The following SEPTIN10 variants were observed in gnomAD, a reference collection of about 807,000 sequenced individuals.
The protein encoded by SEPTIN10 is septin 10.
SEPTIN10 carries 66 observed loss-of-function variants against 54.8 expected under a neutral mutation model. The ratio of observed to expected loss-of-function variants is 1.21; its 90% CI spans 0.99 to 1.48. The LOEUF (loss-of-function observed/expected upper bound fraction) is 1.48, where lower values mean the gene tolerates loss of function less well. Ranked by LOEUF, SEPTIN10 falls within the 40% of genes most tolerant of loss-of-function variation. The pLI, the probability that SEPTIN10 is intolerant of heterozygous loss-of-function variation, is 0.00. For synonymous variants in SEPTIN10, 161 were observed against 181.0 expected (o/e 0.89, Z 0.89); for missense variants, 620 against 545.6 (o/e 1.14, Z -1.36).
At chr2:109,583,917 A>G (rs1558822288) in intron 4 of SEPTIN10, among the ~76,000 whole-genome samples, 1 of 152,208 alleles carries the variant, frequency 6.6e-6, no homozygotes, top group Admixed American at 6.5e-5. Context: ...GTTCTCACTT[A>G]TAAGTAAGTG....
At position 109,574,661 on chromosome 2, in the gene SEPTIN10, C is replaced by A. The variant is rs757616182; in HGVS notation, c.520G>T (p.Val174Leu). Reference sequence around the variant, plus strand: ...GTCGGTGAAATGAAGTAGAGACACACATGGATGCGAGAATCATGGTAGGTA... The same window carrying A: ...GTCGGTGAAATGAAGTAGAGACACAAATGGATGCGAGAATCATGGTAGGTA... ...LFTYHDSRIH[V>L]CLYFISPTGH... The change falls in exon 5 of 11, where the codon GTG (valine) becomes TTG (leucine). Residue 174 changes from valine (V) to leucine (L), a missense_variant. Transcript: ENST00000397712. The A allele has an allele frequency of 8.1e-6, 13 of 1,609,268 alleles. No homozygotes were observed. Among genetic ancestry groups the A allele is most frequent in the African/African-American group, 6.7e-5 (5 of 74,802 alleles).
At chr2:109,606,192 G>A (rs1444181014) in intron 1 of SEPTIN10, among the ~76,000 whole-genome samples, 1 of 152,148 alleles carries the variant, frequency 6.6e-6, no homozygotes, top group Non-Finnish European at 1.5e-5. Flanking sequence ...CAAGGAGGGA[G>A]GATTACAAAG....
At chr2:109,593,820 G>A (rs1694652810) in intron 1 of SEPTIN10, among the ~76,000 whole-genome samples, 1 of 152,080 alleles carries the variant, frequency 6.6e-6, no homozygotes, top group Admixed American at 6.5e-5. Context: ...GGTGTGGTGG[G>A]GAAAGCAGGG....
chr2:109,581,771 A>G (rs1411354845), intron 4 of SEPTIN10, among the ~76,000 whole-genome samples: 3 of 152,234 alleles, frequency 2.0e-5, no homozygotes, highest in Non-Finnish European at 2.9e-5. Flanking sequence ...CTGAAACAAG[A>G]TATGCCTGAG....
intron 1 of SEPTIN10, among the ~76,000 whole-genome samples, chr2:109,604,139 G>A (rs112124758): frequency 0.28 from 38,877 of 138,846 alleles, 5,734 homozygotes; most frequent in Admixed American, 0.4. Context: ...TCCAGCCTGG[G>A]CGACAGAGCG....
At chr2:109,588,849 T>TAAAAA (rs1293232530) in intron 2 of SEPTIN10, among the ~76,000 whole-genome samples, 2 of 71,292 alleles carry the variant, frequency 2.8e-5, no homozygotes, top group African/African-American at 9.8e-5. Context: ...TCAATTACTA[T>TAAAAA]TAAAAAAAAA....
chr2:109,564,110 CA>C (rs1686327087), intron 8 of SEPTIN10: 1 of 359,832 alleles, frequency 2.8e-6, no homozygotes, highest in African/African-American at 2.1e-5. Context: ...TGAACTGAAA[CA>C]GGGGGCCTCT....
At position 109,566,160 on chromosome 2, in the gene SEPTIN10, G is replaced by A. The variant is rs116512989; in HGVS notation, c.763-301C>T. Among the ~76,000 whole-genome samples, 848 of 151,746 alleles carry A rather than the reference G, an allele frequency of 5.6e-3. 14 individuals are homozygous for A. Among genetic ancestry groups the A allele is most frequent in the African/African-American group, 0.019 (804 of 41,342 alleles). On this transcript the variant is annotated intron_variant, in intron 6 of 10. Transcript: ENST00000397712. The stretch of plus-strand genomic sequence containing the variant: ...TTTTGAGACAGAGTCTTACTCTGTC[G>A]CCCAAGCTGAAGTGCAGTGACACGA...
chr2:109,605,236 T>G (rs947268210), intron 1 of SEPTIN10, among the ~76,000 whole-genome samples: 1 of 152,118 alleles, frequency 6.6e-6, no homozygotes, highest in African/African-American at 2.4e-5. Context: ...ATTACTAGTA[T>G]GATCAGGCAG....
chr2:109,568,841 A>G (rs990726900), intron 5 of SEPTIN10, among the ~76,000 whole-genome samples: 1 of 152,182 alleles, frequency 6.6e-6, no homozygotes, highest in Non-Finnish European at 1.5e-5. Flanking sequence ...TAGACAGCAG[A>G]GGAAGGAAAC....
At chr2:109,613,337 ACCAT>A (rs979865538) in intron 1 of SEPTIN10, 19 of 372,696 alleles carry the variant, frequency 5.1e-5, no homozygotes, top group Non-Finnish European at 7.4e-5. Flanking sequence ...GGACGACCAC[ACCAT>A]CGGATAAAAC....
chr2:109,603,106 TA>T (rs796618534), intron 1 of SEPTIN10, among the ~76,000 whole-genome samples: 37 of 151,720 alleles, frequency 2.4e-4, no homozygotes, highest in African/African-American at 8.0e-4. Context: ...AAAAAAGCAT[TA>T]AAAGGACCTA....
chr2:109,596,573 C>T (rs891917767), intron 1 of SEPTIN10, among the ~76,000 whole-genome samples: 10 of 151,148 alleles, frequency 6.6e-5, no homozygotes, highest in African/African-American at 9.7e-5. Context: ...GCAGAGATCG[C>T]GCCGCTGCAC....
rs1692207079 is a variant in SEPTIN10, at chr2:109,585,220, C to T, written c.319G>A (p.Ala107Thr). 6.2e-7 allele frequency: 1 copy of T among 1,612,840 alleles called. No homozygotes were observed. Among genetic ancestry groups the T allele is most frequent in the Non-Finnish European group, 8.5e-7 (1 of 1,179,312 alleles). Residue 107 changes from alanine to threonine, a missense_variant, in exon 4 of 11, where the codon GCT becomes ACT. Transcript: ENST00000397712. ...SHFCPNVKLK[A>T]QTYELQESNV... ...CTTTCCTGGAGTTCATATGTCTGAG[C>T]TTTAAGTTTAACATTTGGGCAAAAA...
chr2:109,611,661 T>C (rs1699279885), intron 1 of SEPTIN10, among the ~76,000 whole-genome samples: 1 of 152,076 alleles, frequency 6.6e-6, no homozygotes, highest in African/African-American at 2.4e-5. Context: ...TTGGGGTGGC[T>C]GAGGCAGGAG....
chr2:109,569,864 T>C (rs1295507748), intron 5 of SEPTIN10, among the ~76,000 whole-genome samples: 1 of 152,106 alleles, frequency 6.6e-6, no homozygotes, highest in East Asian at 1.9e-4. Flanking sequence ...AAGATAACTT[T>C]CCATGTCAAG....
intron 1 of SEPTIN10, among the ~76,000 whole-genome samples, chr2:109,611,271 T>C (rs1573912375): frequency 1.3e-5 from 2 of 152,208 alleles, no homozygotes; most frequent in African/African-American, 2.4e-5. Context: ...GATCTAAGGT[T>C]AGGCAAAGAG....
At chr2:109,595,456 T>C (rs1294542895) in intron 1 of SEPTIN10, among the ~76,000 whole-genome samples, 1 of 152,142 alleles carries the variant, frequency 6.6e-6, no homozygotes, top group African/African-American at 2.4e-5. Context: ...GTCCCAGTCA[T>C]CATGTGGTAC....
intron 8 of SEPTIN10, among the ~76,000 whole-genome samples, chr2:109,554,651 C>T (rs1305495723): frequency 2.0e-5 from 3 of 152,140 alleles, no homozygotes; most frequent in Non-Finnish European, 4.4e-5. Flanking sequence ...CAGTGGCCAT[C>T]GCCGGGAATC....
Sources: gnomAD v4.1 joint callset for allele counts (sites outside exome capture counted in the v4.1 genomes callset) on GRCh38, gnomAD v4.1.1 for gene constraint, MANE v1.5 for transcripts, NCBI Gene and HGNC (gene_info 2026-07-23, HGNC 2026-07-21) for gene names.